Variants in COL4A5 observed in about 807,000 individuals in gnomAD.
COL4A5 encodes collagen alpha-5(IV) chain.
COL4A5 carries 26 observed loss-of-function variants against 130.2 expected under a neutral mutation model. The observed-to-expected ratio is 0.20, with a 90% CI of 0.15 to 0.28. The LOEUF is 0.28. Ranked by LOEUF, COL4A5 falls within the 10% of genes least tolerant of loss-of-function variation. COL4A5 has a pLI of 1.00. For missense variants in COL4A5, 1,131 were observed against 1,344.3 expected (o/e 0.84, Z 2.48); for synonymous variants, 496 against 439.6 (o/e 1.13, Z -1.60).
At chrX:108,635,601 C>G (rs774031951) in intron 36 of COL4A5, among the ~76,000 whole-genome samples, 4 of 111,568 alleles carry the variant, frequency 3.6e-5, no homozygotes, top group African/African-American at 1.3e-4. Context: ...GCAAGGAACC[C>G]AGAATAGTCA....
At position 108,550,459 on chromosome X, in the gene COL4A5, A is replaced by G. The variant is rs990619309; in HGVS notation, c.142-8605A>G. Reference sequence around the variant, plus strand: ...TATATAAACCCCCAATAATTATCTTAATCGATAACAAAGAATGCATTTAAT... The same window carrying G: ...TATATAAACCCCCAATAATTATCTTGATCGATAACAAAGAATGCATTTAAT... On this transcript the variant is annotated intron_variant, in intron 2 of 52. Coordinates refer to ENST00000328300, the MANE Select transcript of COL4A5 (RefSeq NM_033380.3). 2.7e-5 allele frequency among the ~76,000 whole-genome samples: 3 copies of G among 112,085 alleles called. No individual in the cohort carries two copies. In the Admixed American group the frequency reaches 2.8e-4, roughly 11 times the overall value.
intron 36 of COL4A5, among the ~76,000 whole-genome samples, chrX:108,629,206 G>T (rs1229986619): frequency 9.0e-6 from 1 of 111,276 alleles, no homozygotes; most frequent in African/African-American, 3.3e-5. Flanking sequence ...GATTAGATTG[G>T]TAATGGGGGA....
chrX:108,623,440 A>T lies in COL4A5; in HGVS notation c.2917+615A>T, dbSNP rs1405884133. ...TAAAATATTACGTGGGGTTTTCAAT[A>T]AAAAAAAAACCTTTTTTATAGAAGT... On this transcript the variant is annotated intron_variant, in intron 33 of 52. Coordinates refer to ENST00000328300, the MANE Select transcript of COL4A5 (RefSeq NM_033380.3). Among the ~76,000 whole-genome samples the T allele has an allele frequency of 1.7e-4, 9 of 54,320 alleles. No individual in the cohort carries two copies. The South Asian group carries it at 3.5e-3, about 21-fold the overall frequency. 47.2% of individuals were successfully genotyped at this position (54,320 alleles called of 115,157 possible).
intron 9 of COL4A5, among the ~76,000 whole-genome samples, chrX:108,574,509 C>G (rs2066113984): frequency 9.0e-6 from 1 of 111,647 alleles, no homozygotes; most frequent in East Asian, 2.8e-4. Flanking sequence ...CCTTGGTAAT[C>G]AAATCCTTCT....
chrX:108,591,306 G>T, intron 20 of COL4A5, 75 bp downstream of exon 20: 2 of 1,020,509 alleles, frequency 2.0e-6, no homozygotes, highest in Non-Finnish European at 1.4e-6. Context: ...TCTAGCTAAA[G>T]GTTGGCCTCA....
At chrX:108,526,671 C>CT (rs1210257594) in intron 1 of COL4A5, among the ~76,000 whole-genome samples, 33 of 41,782 alleles carry the variant, frequency 7.9e-4, no homozygotes, top group South Asian at 1.6e-3. Flanking sequence ...TTCTTTCTTT[C>CT]TCTTTCTTTC....
chrX:108,602,658 G>A (rs2066654485), intron 27 of COL4A5, among the ~76,000 whole-genome samples: 1 of 111,992 alleles, frequency 8.9e-6, no homozygotes, highest in African/African-American at 3.2e-5. Context: ...ATAAGCAGAA[G>A]AAAAGTTCTT....
At chrX:108,499,618 C>A (rs908990364) in intron 1 of COL4A5, among the ~76,000 whole-genome samples, 24 of 111,335 alleles carry the variant, frequency 2.2e-4, no homozygotes, top group Non-Finnish European at 4.2e-4. Context: ...TGCAACAGTA[C>A]AATTTTGTAT....
At chrX:108,511,062 C>CA (rs1456664912) in intron 1 of COL4A5, among the ~76,000 whole-genome samples, 1 of 111,273 alleles carries the variant, frequency 9.0e-6, no homozygotes, top group African/African-American at 3.3e-5. Flanking sequence ...AAGAATAGTA[C>CA]AATGAACCCT....
At chrX:108,628,079 ACTTT>A (rs1414105543) in intron 36 of COL4A5, among the ~76,000 whole-genome samples, 4 of 110,385 alleles carry the variant, frequency 3.6e-5, no homozygotes, top group African/African-American at 9.8e-5. Context: ...ATCTTGACAA[ACTTT>A]CTTTATCAGC....
At chrX:108,573,537 A>T (rs763984367) in intron 8 of COL4A5, 37 bp from the exon 9 acceptor site, 51 of 991,498 alleles carry the variant, frequency 5.1e-5, no homozygotes, top group Non-Finnish European at 7.2e-5. Context: ...ATGTATAATA[A>T]CTGTGTCTTA....
chrX:108,537,761 A>T (rs2065476971), intron 1 of COL4A5, among the ~76,000 whole-genome samples: 1 of 112,055 alleles, frequency 8.9e-6, no homozygotes, highest in Non-Finnish European at 1.9e-5. Flanking sequence ...AATGTTAATT[A>T]TTCTTACATT....
intron 42 of COL4A5, among the ~76,000 whole-genome samples, chrX:108,672,215 A>G (rs2068220579): frequency 8.9e-6 from 1 of 112,370 alleles, no homozygotes; most frequent in Non-Finnish European, 1.9e-5. Flanking sequence ...GATAAAGCAA[A>G]GACTAGGGGG....
At chrX:108,487,749 T>C (rs990552551) in intron 1 of COL4A5, among the ~76,000 whole-genome samples, 5 of 112,388 alleles carry the variant, frequency 4.4e-5, no homozygotes, top group African/African-American at 9.7e-5. Flanking sequence ...TGACCAAATA[T>C]TGTCTTTTGG....
chrX:108,526,614 TTCTTTCTTTC>T, intron 1 of COL4A5, among the ~76,000 whole-genome samples: 1 of 57,926 alleles, frequency 1.7e-5, no homozygotes, highest in South Asian at 1.1e-3. Flanking sequence ...CTTTCTTTCT[TTCTTTCTTTC>T]TTTCTTTCTT....
At chrX:108,489,644 C>T (rs764319237) in intron 1 of COL4A5, among the ~76,000 whole-genome samples, 67 of 111,831 alleles carry the variant, frequency 6.0e-4, no homozygotes, top group Non-Finnish European at 1.1e-3. Context: ...TCAAAATACT[C>T]CTGTAATAAT....
intron 48 of COL4A5, among the ~76,000 whole-genome samples, chrX:108,687,119 A>C (rs1287199142): frequency 8.9e-6 from 1 of 112,446 alleles, no homozygotes; most frequent in Non-Finnish European, 1.9e-5. Flanking sequence ...TCTACACAAA[A>C]AGGTATGCCT....
chrX:108,683,438 A>G (rs750321648), intron 47 of COL4A5, among the ~76,000 whole-genome samples: 3 of 111,527 alleles, frequency 2.7e-5, no homozygotes, highest in South Asian at 3.8e-4. Flanking sequence ...AAGAAAGTCA[A>G]TAGTAGCTTG....
intron 1 of COL4A5, among the ~76,000 whole-genome samples, chrX:108,481,243 T>C (rs1413906857): frequency 9.2e-6 from 1 of 109,048 alleles, no homozygotes; most frequent in African/African-American, 3.5e-5. Context: ...GTCCCCGAAA[T>C]ATCTGACCAT....
Sources: allele counts gnomAD v4.1 joint callset (sites outside exome capture counted in the v4.1 genomes callset), GRCh38; gene constraint gnomAD v4.1.1; transcripts MANE v1.5; gene names NCBI Gene and HGNC (gene_info 2026-07-23, HGNC 2026-07-21).